GTF3C1: variants seen among roughly 807,000 people sequenced by gnomAD.
GTF3C1 encodes the protein general transcription factor 3C polypeptide 1.
A neutral mutation model predicts 226.7 loss-of-function variants in GTF3C1; 57 were observed. The ratio of observed to expected loss-of-function variants is 0.25; its 90% CI spans 0.20 to 0.31. The LOEUF (loss-of-function observed/expected upper bound fraction) is 0.31. Among genes scored for constraint, GTF3C1 ranks in the 10% least tolerant of loss-of-function variants. The pLI, the probability that GTF3C1 is intolerant of heterozygous loss-of-function variation, is 1.00. For synonymous variants in GTF3C1, 1,090 were observed against 1,084.8 expected, an observed-to-expected ratio of 1.00 and a Z score of -0.09; for missense variants, 2,217 against 2,776.1, an observed-to-expected ratio of 0.80 and a Z score of 4.53.
In GTF3C1 at chr16:27,545,448, G is replaced by A; in HGVS notation, c.297C>T (p.Pro99=). ...RDPVALEDVY[P]IHMILENKDG... ...CCTTATTCTCTAAGATCATATGAAT[G>A]GGGTAGACATCCTCCAAAGCCACCG... Residue 99 remains proline (P), a synonymous_variant, in exon 2 of 37, where the codon CCC becomes CCT. Transcript: ENST00000356183. 6.2e-7 allele frequency: 1 copy of A among 1,611,352 alleles called. No homozygotes were observed. Among genetic ancestry groups the A allele is most frequent in the Non-Finnish European group, 8.5e-7 (1 of 1,177,490 alleles).
In GTF3C1 at chr16:27,470,600, G is replaced by A. The variant is rs2087853332; in HGVS notation, c.4527-205C>T. On this transcript the variant is annotated intron_variant, in intron 30 of 36. Transcript: ENST00000356183. This position sits in a 1 kb window ranked among gnomAD's most constrained non-coding sequence, Gnocchi z 4.9. The stretch of plus-strand genomic sequence containing the variant: ...GTGTCTCTCTTCCCCGCTTGCCTGA[G>A]TACCTTCCGGGCAGAGTCCTGTCTC... 1 of 570,872 alleles carries A rather than the reference G, an allele frequency of 1.8e-6. No individual in the cohort carries two copies. Among genetic ancestry groups the A allele is most frequent in the Non-Finnish European group, 3.1e-6 (1 of 319,886 alleles). The allele number at this position is 570,872 out of a possible 1,614,324, so 35.4% of individuals were successfully genotyped here. A position where few individuals can be genotyped will look rare whatever the true frequency, so the allele number is the denominator to read the frequency against.
rs2088241769 is a variant in GTF3C1, at chr16:27,492,128, A to C, written c.3151+210T>G. On this transcript the variant is annotated intron_variant, in intron 19 of 36. Transcript: ENST00000356183. The surrounding 1 kb of genome is among the most constrained non-coding windows in gnomAD (Gnocchi z 5.0). Reference sequence around the variant, plus strand: ...AGACAAAGTGCAGCTACTTGGGCTCAACTGAGTGGGGGAACCGGAAGCACC... The same window carrying C: ...AGACAAAGTGCAGCTACTTGGGCTCCACTGAGTGGGGGAACCGGAAGCACC... Among the ~76,000 whole-genome samples the C allele has an allele frequency of 6.6e-6, 1 of 152,196 alleles. No homozygotes were observed. Among genetic ancestry groups the C allele is most frequent in the South Asian group, 2.1e-4 (1 of 4,828 alleles).
rs1369787634 is a variant in GTF3C1, at chr16:27,492,345, G to A, written c.3144C>T (p.Thr1048=). ...WFDLQCVCLN[T]PLGVVRCPRV... is the part of the protein sequence containing the mutation. ...GAGACAGCCGACACCCACCTAGTGG[G>A]GTGTTGAGGCAGACGCACTGCAGGT... Residue 1048 remains threonine (T), a synonymous_variant, in exon 19 of 37, where the codon ACC becomes ACT. Transcript: ENST00000356183. The surrounding 1 kb of genome is among the most constrained non-coding windows in gnomAD (Gnocchi z 5.0). 1 of 1,584,082 alleles carries A rather than the reference G, an allele frequency of 6.3e-7. No homozygotes were observed. Among genetic ancestry groups the A allele is most frequent in the Non-Finnish European group, 8.6e-7 (1 of 1,157,822 alleles).
At chr16:27,548,546 T>C (rs2089202713) in intron 1 of GTF3C1, among the ~76,000 whole-genome samples, 2 of 152,192 alleles carry the variant, frequency 1.3e-5, no homozygotes, top group Non-Finnish European at 2.9e-5. Flanking sequence ...ATTGCAGGCA[T>C]GAGCTGCTGC....
rs2088500004 is a variant in GTF3C1, at chr16:27,507,224, C to T, written c.1243-68G>A. 3 of 1,180,618 alleles carry T rather than the reference C, an allele frequency of 2.5e-6. No individual in the cohort carries two copies. The Admixed American group carries it at 6.4e-5, about 25-fold the overall frequency. The allele number at this position is 1,180,618 out of a possible 1,614,324, so 73.1% of individuals were successfully genotyped here. A position where few individuals can be genotyped will look rare whatever the true frequency, so the allele number is the denominator to read the frequency against. On this transcript the variant is annotated intron_variant, in intron 8 of 36. Coordinates refer to ENST00000356183, the MANE Select transcript of GTF3C1 (RefSeq NM_001520.4). The surrounding 1 kb of genome is among the most constrained non-coding windows in gnomAD (Gnocchi z 4.9). ...TCATACCCACAGGGGTTCAGGTGGTCTGTGGCATCTATTTCCTTATTGGCT... is the reference window on the plus strand; with the variant it reads ...TCATACCCACAGGGGTTCAGGTGGTTTGTGGCATCTATTTCCTTATTGGCT...
chr16:27,483,623 T>C (rs1357441767), intron 25 of GTF3C1, among the ~76,000 whole-genome samples: 1 of 152,262 alleles, frequency 6.6e-6, no homozygotes, highest in Non-Finnish European at 1.5e-5. Flanking sequence ...TGGGCTCCCG[T>C]CCACCAGGCA....
At chr16:27,513,804 T>C (rs1249650514) in intron 6 of GTF3C1, among the ~76,000 whole-genome samples, 1 of 152,200 alleles carries the variant, frequency 6.6e-6, no homozygotes, top group Non-Finnish European at 1.5e-5. Flanking sequence ...AGCACATCGA[T>C]GCACAGAATC....
Position 27,470,984 on chromosome 16 carries a change from C to T in GTF3C1, c.4527-589G>A, listed in dbSNP as rs996054829. ...CAAATGGCCTTGTTGGATTTGGGCA[C>T]GTATCTTCTGCTGCCACACCTACTT... On this transcript the variant is annotated intron_variant, in intron 30 of 36. Coordinates refer to ENST00000356183, the MANE Select transcript of GTF3C1 (RefSeq NM_001520.4). This position sits in a 1 kb window ranked among gnomAD's most constrained non-coding sequence, Gnocchi z 4.9. Among the ~76,000 whole-genome samples, 6 of 152,176 alleles carry T rather than the reference C, an allele frequency of 3.9e-5. No individual in the cohort carries two copies. Among genetic ancestry groups the T allele is most frequent in the African/African-American group, 1.2e-4 (5 of 41,440 alleles).
intron 26 of GTF3C1, among the ~76,000 whole-genome samples, chr16:27,481,755 G>A (rs115689248): frequency 0.014 from 2,063 of 152,248 alleles, 50 homozygotes; most frequent in African/African-American, 0.047. Context: ...TATGTAGGAC[G>A]CAGCCCCTGC....
rs931960403 is a variant in GTF3C1 at position 27,507,770 on chromosome 16, T to A, written c.1243-614A>T. Among the ~76,000 whole-genome samples the A allele has an allele frequency of 6.6e-6, 1 of 152,086 alleles. No homozygotes were observed. Among genetic ancestry groups the A allele is most frequent in the Non-Finnish European group, 1.5e-5 (1 of 68,016 alleles). ...GACCAGATCGTGAGCAAGATGAGAGTGGCATGTCAGGGGCTGAGACCACAG... is the reference window on the plus strand; with the variant it reads ...GACCAGATCGTGAGCAAGATGAGAGAGGCATGTCAGGGGCTGAGACCACAG... On this transcript the variant is annotated intron_variant, in intron 8 of 36. Coordinates refer to ENST00000356183, the MANE Select transcript of GTF3C1 (RefSeq NM_001520.4). This position sits in a 1 kb window ranked among gnomAD's most constrained non-coding sequence, Gnocchi z 4.9.
chr16:27,500,738 G>A (rs181145915), intron 12 of GTF3C1, among the ~76,000 whole-genome samples: 2 of 152,312 alleles, frequency 1.3e-5, no homozygotes, highest in East Asian at 3.9e-4. Context: ...TAGATATGTC[G>A]AGGCAGAAGA....
intron 2 of GTF3C1, among the ~76,000 whole-genome samples, chr16:27,542,559 C>A (rs533779581): frequency 1.4e-5 from 2 of 147,956 alleles, no homozygotes; most frequent in African/African-American, 2.5e-5. Context: ...AAAACCCCGC[C>A]TCAAAAAGAA....
intron 6 of GTF3C1, among the ~76,000 whole-genome samples, chr16:27,526,269 G>A (rs964048554): frequency 1.3e-5 from 2 of 152,162 alleles, no homozygotes; most frequent in Non-Finnish European, 2.9e-5. Context: ...ACTGGAGGAT[G>A]CACATCAAAC....
chr16:27,526,256 G>A (rs751989364), intron 6 of GTF3C1, among the ~76,000 whole-genome samples: 1 of 152,220 alleles, frequency 6.6e-6, no homozygotes, highest in Non-Finnish European at 1.5e-5. Context: ...CCTTTGGGAA[G>A]CTACTGGAGG....
At chr16:27,513,242 C>T (rs1272968400) in intron 6 of GTF3C1, among the ~76,000 whole-genome samples, 1 of 152,020 alleles carries the variant, frequency 6.6e-6, no homozygotes, top group Non-Finnish European at 1.5e-5. Context: ...TCACTTGAGC[C>T]CAGGAGTTTG....
At chr16:27,482,703 A>C (rs2088074545) in intron 26 of GTF3C1, 1 of 442,318 alleles carries the variant, frequency 2.3e-6, no homozygotes. Context: ...GCCCCTCTGG[A>C]CAGAAAACTC....
Position 27,528,655 on chromosome 16 carries a change from C to T in GTF3C1, c.916G>A (p.Val306Met), listed in dbSNP as rs1424985881. The change falls in exon 6 of 37, where the codon GTG becomes ATG. Residue 306 changes from valine (V) to methionine (M), a missense_variant. Val to Met is a conservative substitution (Grantham distance 21). Around this residue, in one of 12 missense-constraint regions of GTF3C1, gnomAD observed 163 missense variants for 234.3 expected, o/e 0.70. Coordinates refer to ENST00000356183, the MANE Select transcript of GTF3C1 (RefSeq NM_001520.4). ...YMLNAGLAKV[V>M]SLRLQEIHPE... The stretch of plus-strand genomic sequence containing the variant: ...TGGATCTCTTGCAAGCGAAGAGACA[C>T]CACCTTGGCTAGCCCGGCGTTCAGC... 1.2e-6 allele frequency: 2 copies of T among 1,611,914 alleles called. No homozygotes were observed. The highest frequency in any genetic ancestry group is 1.7e-6 in the Non-Finnish European group (2 of 1,178,010).
chr16:27,526,072 G>A (rs1247738322), intron 6 of GTF3C1, among the ~76,000 whole-genome samples: 1 of 152,190 alleles, frequency 6.6e-6, no homozygotes, highest in Non-Finnish European at 1.5e-5. Flanking sequence ...CATGAACAGG[G>A]AGCTTGCAGG....
Position 27,478,461 on chromosome 16 carries a change from G to C in GTF3C1, c.4259+8C>G. 1 of 1,569,500 alleles carries C rather than the reference G, an allele frequency of 6.4e-7. No individual in the cohort carries two copies. The highest frequency in any genetic ancestry group is 1.1e-5 in the South Asian group (1 of 90,090). On this transcript the variant is annotated splice_region_variant and intron_variant, in intron 28 of 36. Coordinates refer to ENST00000356183, the MANE Select transcript of GTF3C1 (RefSeq NM_001520.4). ...TGAGGAAAAGCTACTCTATATATCA[G>C]TACTTACCTGTTAAGTTCATCCTCT...
Sources: gnomAD v4.1 joint callset for allele counts (sites outside exome capture counted in the v4.1 genomes callset) on GRCh38, gnomAD v4.1.1 for gene constraint, gnomAD v4.1.1 regional missense constraint, Gnocchi (gnomAD v3.1) non-coding constraint, MANE v1.5 for transcripts, NCBI Gene and HGNC (gene_info 2026-07-23, HGNC 2026-07-21) for gene names.